PDE4B: variants seen among roughly 807,000 people sequenced by gnomAD.
PDE4B encodes the protein phosphodiesterase 4B.
A neutral mutation model predicts 82.2 loss-of-function variants in PDE4B; 20 were observed. That is an observed-to-expected ratio of 0.24 (90% CI 0.17 to 0.35). The LOEUF is 0.35. PDE4B is among the 10% of genes least tolerant of loss of function. PDE4B has a pLI of 1.00. For synonymous variants in PDE4B, 320 were observed against 318.9 expected (o/e 1.00, Z -0.04); for missense variants, 655 against 907.2 (o/e 0.72, Z 3.57).
intron 8 of PDE4B, among the ~76,000 whole-genome samples, chr1:66,335,320 C>T (rs1208295503): frequency 2.0e-5 from 3 of 152,150 alleles, no homozygotes; most frequent in Admixed American, 6.5e-5. Flanking sequence ...TTAAGAACAG[C>T]GATAGGTGAA....
chr1:66,280,379 C>T (rs769741791), intron 7 of PDE4B, among the ~76,000 whole-genome samples: 12 of 152,274 alleles, frequency 7.9e-5, no homozygotes, highest in Middle Eastern at 3.4e-3. Context: ...TTGCTTTACA[C>T]GAATGCCAAT....
intron 7 of PDE4B, among the ~76,000 whole-genome samples, chr1:66,329,357 A>G (rs1659949808): frequency 6.6e-6 from 1 of 152,352 alleles, no homozygotes; most frequent in South Asian, 2.1e-4. Flanking sequence ...TAAAATAAAA[A>G]GTATATGAAG....
chr1:66,276,281 T>C (rs1655876868), intron 7 of PDE4B, among the ~76,000 whole-genome samples: 1 of 152,208 alleles, frequency 6.6e-6, no homozygotes, highest in South Asian at 2.1e-4. Context: ...ATTTCACATA[T>C]TTGGAAAAAG....
At chr1:65,950,419 G>C (rs1011700940) in intron 3 of PDE4B, among the ~76,000 whole-genome samples, 4 of 152,048 alleles carry the variant, frequency 2.6e-5, no homozygotes, top group Admixed American at 2.6e-4. Flanking sequence ...TCTCTTAGAA[G>C]TGCTTCTTGT....
intron 4 of PDE4B, among the ~76,000 whole-genome samples, chr1:66,253,049 A>T (rs1653912260): frequency 6.6e-6 from 1 of 152,250 alleles, no homozygotes. Context: ...CTCAATAACT[A>T]ATCTGCTTTT....
chr1:66,244,826 GC>G (rs919673383), intron 3 of PDE4B, among the ~76,000 whole-genome samples: 6 of 152,340 alleles, frequency 3.9e-5, no homozygotes, highest in Admixed American at 3.3e-4. Flanking sequence ...GCAAACAGGG[GC>G]ATCATGGAGA....
At chr1:65,796,845 T>A (rs1368552298) in intron 1 of PDE4B, among the ~76,000 whole-genome samples, 2 of 152,010 alleles carry the variant, frequency 1.3e-5, no homozygotes, top group Non-Finnish European at 2.9e-5. Context: ...GAGAAGCGGT[T>A]TCACCATTTT....
At chr1:65,924,978 A>G (rs1172823384) in intron 3 of PDE4B, among the ~76,000 whole-genome samples, 1 of 152,204 alleles carries the variant, frequency 6.6e-6, no homozygotes, top group Non-Finnish European at 1.5e-5. Flanking sequence ...GGTCTTACAC[A>G]TGCACAGGGG....
chr1:66,165,948 A>AG (rs1348824647), intron 3 of PDE4B, among the ~76,000 whole-genome samples: 1 of 147,764 alleles, frequency 6.8e-6, no homozygotes, highest in Non-Finnish European at 1.5e-5. Context: ...TCAAACCTTG[A>AG]GGGGAAAAAA....
intron 3 of PDE4B, among the ~76,000 whole-genome samples, chr1:65,933,669 TAA>T (rs965037711): frequency 7.1e-6 from 1 of 140,092 alleles, no homozygotes; most frequent in Non-Finnish European, 1.6e-5. Context: ...AGAATCCGTC[TAA>T]AAAAAAAAAA....
intron 8 of PDE4B, among the ~76,000 whole-genome samples, chr1:66,352,639 C>A (rs1276457985): frequency 5.3e-5 from 8 of 152,134 alleles, no homozygotes; most frequent in Non-Finnish European, 4.4e-5. Context: ...TGTGGTTAAA[C>A]AACATGCCCT....
At chr1:66,017,321 A>G (rs1652834299) in intron 3 of PDE4B, among the ~76,000 whole-genome samples, 1 of 152,234 alleles carries the variant, frequency 6.6e-6, no homozygotes, top group Admixed American at 6.5e-5. Context: ...TTGGAAGAAG[A>G]GGATCATATC....
chr1:65,885,735 A>G (rs1238679452), intron 1 of PDE4B, among the ~76,000 whole-genome samples: 1 of 151,852 alleles, frequency 6.6e-6, no homozygotes, highest in Non-Finnish European at 1.5e-5. Context: ...TGGGGAGGGA[A>G]AGCATTAGGA....
rs1037628112 is a variant in PDE4B at position 65,798,562 on chromosome 1, C to A, written c.-71+5314C>A. On this transcript the variant is annotated intron_variant, in intron 1 of 16. Transcript: ENST00000341517. ...CGTGAGCCACCGCGCCCGGCCGTGC[C>A]AGGCTAGTCTTGAACTCCTGACCTC... Among the ~76,000 whole-genome samples the A allele has an allele frequency of 1.4e-4, 21 of 148,354 alleles. 5 individuals carry two copies. Among genetic ancestry groups the A allele is most frequent in the Non-Finnish European group, 2.5e-4 (17 of 67,384 alleles).
At chr1:65,867,150 A>C (rs1646521386) in intron 1 of PDE4B, among the ~76,000 whole-genome samples, 1 of 152,200 alleles carries the variant, frequency 6.6e-6, no homozygotes, top group Non-Finnish European at 1.5e-5. Context: ...TATTCTCTTT[A>C]GTGTGGAATA....
chr1:66,088,262 G>A (rs1644938439), intron 3 of PDE4B, among the ~76,000 whole-genome samples: 2 of 152,006 alleles, frequency 1.3e-5, no homozygotes, highest in South Asian at 4.2e-4. Context: ...TGAGAAGAGG[G>A]CTATTTATTT....
chr1:65,922,396 G>A (rs1647279568), intron 3 of PDE4B, among the ~76,000 whole-genome samples: 1 of 152,032 alleles, frequency 6.6e-6, no homozygotes, highest in Non-Finnish European at 1.5e-5. Flanking sequence ...GAGGTTTTAG[G>A]GGAAACTTAG....
intron 6 of PDE4B, among the ~76,000 whole-genome samples, chr1:66,262,954 G>A (rs1443772726): frequency 6.6e-6 from 1 of 152,158 alleles, no homozygotes; most frequent in Non-Finnish European, 1.5e-5. Flanking sequence ...CTGACATTTG[G>A]GGTCTCCTAG....
At chr1:65,890,178 CTTATTT>C (rs1646837912) in intron 1 of PDE4B, among the ~76,000 whole-genome samples, 1 of 150,564 alleles carries the variant, frequency 6.6e-6, no homozygotes. Context: ...ATTATCTTTG[CTTATTT>C]TAAAGTTTTA....
Sources: allele counts gnomAD v4.1 joint callset (sites outside exome capture counted in the v4.1 genomes callset), GRCh38; gene constraint gnomAD v4.1.1; transcripts MANE v1.5; gene names NCBI Gene and HGNC (gene_info 2026-07-23, HGNC 2026-07-21).